The following TBC1D24 variants were observed in gnomAD, a reference collection of about 807,000 sequenced individuals.
TBC1D24 encodes Infantile myoclonic epilepsy.
Under a neutral mutation model 50.7 loss-of-function variants are expected in TBC1D24, and 47 were observed. The ratio of observed to expected loss-of-function variants is 0.93; its 90% CI spans 0.73 to 1.18. The LOEUF (loss-of-function observed/expected upper bound fraction) is 1.18, where lower values mean the gene tolerates loss of function less well. Among genes scored for constraint, TBC1D24 ranks in the 50% most tolerant of loss-of-function variants. The pLI is 0.00. For missense variants in TBC1D24, 688 were observed against 766.5 expected, an observed-to-expected ratio of 0.90 and a Z score of 1.21; for synonymous variants, 324 against 335.2, an observed-to-expected ratio of 0.97 and a Z score of 0.36.
In TBC1D24 at chr16:2,475,477, A is replaced by G. The variant is rs1443464798; in HGVS notation, c.-116+307A>G. ...GGCCCAGGGCATGGTGTCGTCTGGA[A>G]GAGTGACTGTGTCACTGTTTCCTTG... is the stretch of plus-strand genomic sequence containing the variant. On this transcript the variant is annotated intron_variant, in intron 1 of 7. Transcript: ENST00000646147. This position sits in a 1 kb window ranked among gnomAD's most constrained non-coding sequence, Gnocchi z 4.2. Among the ~76,000 whole-genome samples, 1 of 151,746 alleles carries G rather than the reference A, an allele frequency of 6.6e-6. No individual in the cohort carries two copies. The highest frequency in any genetic ancestry group is 1.9e-4 in the East Asian group (1 of 5,156).
In TBC1D24 at chr16:2,500,680, G is replaced by T; in HGVS notation, c.1526-124G>T. 7.2e-7 allele frequency: 1 copy of T among 1,395,710 alleles called. No homozygotes were observed. The highest frequency in any genetic ancestry group is 1.4e-5 in the African/African-American group (1 of 70,164). 86.5% of individuals were successfully genotyped at this position (1,395,710 alleles called of 1,614,324 possible). On this transcript the variant is annotated intron_variant, in intron 7 of 7. Coordinates refer to ENST00000646147, the MANE Select transcript of TBC1D24 (RefSeq NM_001199107.2). This position sits in a 1 kb window ranked among gnomAD's most constrained non-coding sequence, Gnocchi z 8.0. ...GACAGCTGGTCCTGGGGGCTATGGA[G>T]GGTCAACGGTCTGTGCGGTTTCAGA...
intron 1 of TBC1D24, among the ~76,000 whole-genome samples, chr16:2,492,203 C>T (rs923303101): frequency 6.6e-6 from 1 of 151,998 alleles, no homozygotes; most frequent in Middle Eastern, 3.2e-3. Context: ...CCAGAAATGT[C>T]GTGCGCTCTT....
Position 2,487,731 on chromosome 16 carries a change from G to A in TBC1D24, c.-115-8303G>A, listed in dbSNP as rs1339831064. Among the ~76,000 whole-genome samples the A allele has an allele frequency of 6.6e-6, 1 of 152,154 alleles. No homozygotes were observed. Among genetic ancestry groups the A allele is most frequent in the Non-Finnish European group, 1.5e-5 (1 of 68,018 alleles). On this transcript the variant is annotated intron_variant, in intron 1 of 7. Coordinates refer to ENST00000646147, the MANE Select transcript of TBC1D24 (RefSeq NM_001199107.2). This position sits in a 1 kb window ranked among gnomAD's most constrained non-coding sequence, Gnocchi z 4.1. ...GTGTTGGAGTTTGGTGTTTGGGGAT[G>A]GCAGGTGGTGTTACTAGTGGCAGCC...
chr16:2,496,994 T>C lies in TBC1D24; in HGVS notation c.846T>C (p.Pro282=), dbSNP rs1174059685. ...FVRDIAKTVS[P]EKLLEKAFAI... is the part of the protein sequence containing the mutation. ...GAGACATCGCGAAGACGGTGTCCCC[T>C]GAGAAGCTGCTGGAGAAAGCGTTCG... is the stretch of plus-strand genomic sequence containing the variant. Residue 282 remains proline (P), a synonymous_variant, in exon 2 of 8, where the codon CCT becomes CCC. Coordinates refer to ENST00000646147, the MANE Select transcript of TBC1D24 (RefSeq NM_001199107.2). The C allele has an allele frequency of 6.2e-7, 1 of 1,613,950 alleles. No individual in the cohort carries two copies. The highest frequency in any genetic ancestry group is 8.5e-7 in the Non-Finnish European group (1 of 1,180,036).
rs1212429226 is a variant in TBC1D24, at chr16:2,497,658, TTGTC to T, written c.966-48_966-45del. On this transcript the variant is annotated intron_variant, in intron 2 of 7. Coordinates refer to ENST00000646147, the MANE Select transcript of TBC1D24 (RefSeq NM_001199107.2). The stretch of plus-strand genomic sequence containing the variant: ...GATCGGTACTCACACTAACCTCTCT[TTGTC>T]TGTTTTATTTTTCTTCTCCATGTCC... The T allele has an allele frequency of 4.6e-6, 7 of 1,521,948 alleles. No homozygotes were observed. In the South Asian group the frequency reaches 7.2e-5, roughly 16 times the overall value. 94.3% of individuals were successfully genotyped at this position (1,521,948 alleles called of 1,614,324 possible).
Position 2,500,279 on chromosome 16 carries a change from G to A in TBC1D24, c.1314G>A (p.Glu438=), listed in dbSNP as rs772002554. 5 of 1,606,030 alleles carry A rather than the reference G, an allele frequency of 3.1e-6. No homozygotes were observed. The East Asian group carries it at 1.1e-4, about 36-fold the overall frequency. The part of the protein sequence containing the change: ...GECFVFRLQP[E]VQRYEWVVIK... Reference sequence around the variant, plus strand: ...CCCTTCCACCCCAGCTGCAGCCTGAGGTGCAGCGCTACGAGTGGGTGGTGA... The same window carrying A: ...CCCTTCCACCCCAGCTGCAGCCTGAAGTGCAGCGCTACGAGTGGGTGGTGA... Residue 438 remains glutamate (E), a synonymous_variant, in exon 7 of 8, where the codon GAG becomes GAA. Coordinates refer to ENST00000646147, the MANE Select transcript of TBC1D24 (RefSeq NM_001199107.2). The surrounding 1 kb of genome is among the most constrained non-coding windows in gnomAD (Gnocchi z 8.0).
intron 3 of TBC1D24, 31 bp from the exon 4 acceptor site, chr16:2,498,207 T>C: frequency 6.4e-7 from 1 of 1,573,222 alleles, no homozygotes; most frequent in Non-Finnish European, 8.6e-7. Context: ...AGACGTGCCT[T>C]CGGGCTCTGA....
At chr16:2,492,696 G>A (rs1292905797) in intron 1 of TBC1D24, among the ~76,000 whole-genome samples, 1 of 152,196 alleles carries the variant, frequency 6.6e-6, no homozygotes, top group Non-Finnish European at 1.5e-5. Flanking sequence ...GAAAGGGGGA[G>A]CCCTCACTGC....
rs980296435 is a variant in TBC1D24 at position 2,500,648 on chromosome 16, C to G, written c.1526-156C>G. On this transcript the variant is annotated intron_variant, in intron 7 of 7. Transcript: ENST00000646147. The surrounding 1 kb of genome is among the most constrained non-coding windows in gnomAD (Gnocchi z 8.0). ...TGGGAGGGGGCTGGAAGGGAGAGAC[C>G]AGCCTGGACAGCTGGTCCTGGGGGC... Among the ~76,000 whole-genome samples, 3 of 152,284 alleles carry G rather than the reference C, an allele frequency of 2.0e-5. No individual in the cohort carries two copies. Among genetic ancestry groups the G allele is most frequent in the East Asian group, 3.9e-4 (2 of 5,178 alleles).
intron 1 of TBC1D24, chr16:2,481,099 C>A (rs563706731): frequency 6.6e-6 from 1 of 152,330 alleles, no homozygotes; most frequent in Non-Finnish European, 1.5e-5. Context: ...CAGGCCTTGG[C>A]GCTGGGAAAG....
rs1393396356 is a variant in TBC1D24, at chr16:2,483,193, G to C, written c.-116+8023G>C. On this transcript the variant is annotated intron_variant, in intron 1 of 7. Coordinates refer to ENST00000646147, the MANE Select transcript of TBC1D24 (RefSeq NM_001199107.2). The surrounding 1 kb of genome is among the most constrained non-coding windows in gnomAD (Gnocchi z 4.0). ...TTCTTGGGGTAGAGTGGGTGGGACG[G>C]GGCAGCTGTGAGCTGGAGAGGAGAG... 1 of 152,462 alleles carries C rather than the reference G, an allele frequency of 6.6e-6. No individual in the cohort carries two copies. Among genetic ancestry groups the C allele is most frequent in the African/African-American group, 2.4e-5 (1 of 41,428 alleles). The allele number at this position is 152,462 out of a possible 1,614,324, so 9.4% of individuals were successfully genotyped here. A position where few individuals can be genotyped will look rare whatever the true frequency, so the allele number is the denominator to read the frequency against.
Position 2,498,389 on chromosome 16 carries a change from C to A in TBC1D24, c.1135C>A (p.Leu379Met). Residue 379 changes from leucine to methionine, a missense_variant, in exon 4 of 8, where the codon CTG becomes ATG. Leu to Met is a conservative substitution (Grantham distance 15, BLOSUM62 2). Coordinates refer to ENST00000646147, the MANE Select transcript of TBC1D24 (RefSeq NM_001199107.2). The stretch of plus-strand genomic sequence containing the variant: ...CTCCTCCCTGCAGCACGGGTACAGC[C>A]TGGCCAGGTAACACCCCAAGGGGCC... ...LFSSLQHGYS[L>M]ARFYFQCEGH... The A allele has an allele frequency of 6.2e-7, 1 of 1,604,826 alleles. No homozygotes were observed. The highest frequency in any genetic ancestry group is 2.2e-5 in the East Asian group (1 of 44,570).
chr16:2,496,419 C>T lies in TBC1D24; in HGVS notation c.271C>T (p.Pro91Ser). ...GGGCAAGCACAGCAGCAGCTGCCTG[C>T]CGCTGCCCGAGTTCGTGGACAACAC... ...IVGKHSSSCL[P>S]LPEFVDNTQV... Residue 91 changes from proline (P) to serine (S), a missense_variant, in exon 2 of 8, where the codon CCG becomes TCG. Transcript: ENST00000646147. 1 of 1,612,980 alleles carries T rather than the reference C, an allele frequency of 6.2e-7. No individual in the cohort carries two copies. The highest frequency in any genetic ancestry group is 8.5e-7 in the Non-Finnish European group (1 of 1,179,968).
rs929960520 is a variant in TBC1D24, at chr16:2,500,144, T to C, written c.1303-124T>C. On this transcript the variant is annotated intron_variant, in intron 6 of 7. Transcript: ENST00000646147. This position sits in a 1 kb window ranked among gnomAD's most constrained non-coding sequence, Gnocchi z 8.0. Reference sequence around the variant, plus strand: ...CTCGAGCCACCAGCTCCCCAGCCCCTGGCTCGGGCTGCACCCACCTTGGGC... The same window carrying C: ...CTCGAGCCACCAGCTCCCCAGCCCCCGGCTCGGGCTGCACCCACCTTGGGC... 6.5e-6 allele frequency: 7 copies of C among 1,080,280 alleles called. No homozygotes were observed. The highest frequency in any genetic ancestry group is 9.7e-6 in the Non-Finnish European group (7 of 722,976). The allele number at this position is 1,080,280 out of a possible 1,614,324, so 66.9% of individuals were successfully genotyped here.
chr16:2,495,072 G>T (rs1014368215), intron 1 of TBC1D24, among the ~76,000 whole-genome samples: 3 of 151,500 alleles, frequency 2.0e-5, no homozygotes, highest in African/African-American at 7.3e-5. Flanking sequence ...AAAAAAACAG[G>T]CCAGGAGCAC....
chr16:2,499,815 C>T lies in TBC1D24; in HGVS notation c.1207-20C>T, dbSNP rs757347903. On this transcript the variant is annotated intron_variant, in intron 5 of 7. Coordinates refer to ENST00000646147, the MANE Select transcript of TBC1D24 (RefSeq NM_001199107.2). The surrounding 1 kb of genome is among the most constrained non-coding windows in gnomAD (Gnocchi z 4.0). ...TCCTGGGGGCCTGCGGGCACAGCCT[C>T]ACCCAGACCTTTCCCCCAGGTGTGT... The T allele has an allele frequency of 5.0e-6, 8 of 1,609,604 alleles. No individual in the cohort carries two copies. The highest frequency in any genetic ancestry group is 2.2e-5 in the South Asian group (2 of 91,030).
At chr16:2,490,326 G>A (rs1390681130) in intron 1 of TBC1D24, among the ~76,000 whole-genome samples, 1 of 152,228 alleles carries the variant, frequency 6.6e-6, no homozygotes, top group Non-Finnish European at 1.5e-5. Context: ...CAGCTGGGCT[G>A]ACAGGTGCCA....
Position 2,500,422 on chromosome 16 carries a change from GC to G in TBC1D24, c.1459del (p.His487ThrfsTer36). 4.4e-6 allele frequency: 7 copies of G among 1,601,966 alleles called. No homozygotes were observed. Among genetic ancestry groups the G allele is most frequent in the Non-Finnish European group, 6.0e-6 (7 of 1,174,922 alleles). On this transcript the variant is annotated frameshift_variant, in exon 7 of 8. Coordinates refer to ENST00000646147, the MANE Select transcript of TBC1D24 (RefSeq NM_001199107.2). LOFTEE classifies it high-confidence loss of function. This position sits in a 1 kb window ranked among gnomAD's most constrained non-coding sequence, Gnocchi z 8.0. The stretch of plus-strand genomic sequence containing the variant: ...CGCCTCTCGCCCTTCCTGGCCGCTC[GC>G]CACTTCAACCTGCCCTCCAAGACCG... ...ADRLSPFLAA[R>X]HFNLPSKTES...
At chr16:2,490,413 A>G (rs1226914480) in intron 1 of TBC1D24, among the ~76,000 whole-genome samples, 1 of 152,138 alleles carries the variant, frequency 6.6e-6, no homozygotes, top group Non-Finnish European at 1.5e-5. Flanking sequence ...ACTTTAGGTG[A>G]AGGCAGTGCA....
Sources: allele counts gnomAD v4.1 joint callset (sites outside exome capture counted in the v4.1 genomes callset), GRCh38; gene constraint gnomAD v4.1.1; non-coding constraint Gnocchi (gnomAD v3.1); transcripts MANE v1.5; gene names NCBI Gene and HGNC (gene_info 2026-07-23, HGNC 2026-07-21).